Variants in GALNT9 observed in about 807,000 individuals in gnomAD.
GALNT9 encodes polypeptide N-acetylgalactosaminyltransferase 9, also known as GalNAc transferase 9.
A neutral mutation model predicts 63.1 loss-of-function variants in GALNT9; 47 were observed. The observed-to-expected ratio is 0.75, with a 90% CI of 0.59 to 0.95. GALNT9 has a LOEUF of 0.95. Ranked by LOEUF, GALNT9 falls within the 40% of genes least tolerant of loss-of-function variation. The pLI, the probability that GALNT9 is intolerant of heterozygous loss-of-function variation, is 0.00. For synonymous variants in GALNT9, 396 were observed against 365.7 expected (o/e 1.08, Z -0.94); for missense variants, 829 against 874.8 (o/e 0.95, Z 0.66).
chr12:132,210,756 G>A (rs960983677), intron 6 of GALNT9, among the ~76,000 whole-genome samples: 1 of 152,072 alleles, frequency 6.6e-6, no homozygotes, highest in African/African-American at 2.4e-5. Context: ...AGCCAAACTT[G>A]CACCAAAAAA....
In GALNT9 at chr12:132,203,567, C is replaced by T. The variant is rs200475101; in HGVS notation, c.1201G>A (p.Ala401Thr). Residue 401 changes from alanine (A) to threonine (T), a missense_variant, in exon 7 of 11, where the codon GCC (alanine) becomes ACC (threonine). Physicochemically the swap from Ala to Thr is moderately conservative, Grantham distance 58 (BLOSUM62 0). Coordinates refer to ENST00000328957, the MANE Select transcript of GALNT9 (RefSeq NM_001122636.2). ...YYAKRNALRA[A>T]EVWMDDFKSH... ...TTGAAGTCATCCATCCACACCTCGG[C>T]GGCGCGCAGGGCGTTGCGCTTGGCA... The T allele has an allele frequency of 1.4e-5, 23 of 1,613,984 alleles. No homozygotes were observed. Among genetic ancestry groups the T allele is most frequent in the East Asian group, 4.5e-5 (2 of 44,868 alleles).
intron 5 of GALNT9, among the ~76,000 whole-genome samples, chr12:132,254,979 T>C (rs578114544): frequency 2.0e-5 from 3 of 152,310 alleles, no homozygotes; most frequent in Admixed American, 2.0e-4. Flanking sequence ...CCTAGAATCT[T>C]CCAATTTTCA....
chr12:132,214,782 G>T (rs922803765), intron 6 of GALNT9, among the ~76,000 whole-genome samples: 1 of 152,188 alleles, frequency 6.6e-6, no homozygotes, highest in African/African-American at 2.4e-5. Context: ...TGGCCTGCTG[G>T]CTGCGCTGTC....
intron 1 of GALNT9, among the ~76,000 whole-genome samples, chr12:132,313,309 T>TCACACACCAATCCATCCACCCATC (rs1881883753): frequency 1.0e-5 from 1 of 99,696 alleles, no homozygotes; most frequent in South Asian, 3.9e-4. Flanking sequence ...ACCCATCCAT[T>TCACACACCAATCCATCCACCCATC]CACACACCAA....
At chr12:132,222,946 ACACAACT>A (rs1877519611) in intron 6 of GALNT9, among the ~76,000 whole-genome samples, 1 of 81,832 alleles carries the variant, frequency 1.2e-5, no homozygotes, top group Non-Finnish European at 2.5e-5. Context: ...CACACACACC[ACACAACT>A]CACACCCCAC....
At position 132,201,134 on chromosome 12, in the gene GALNT9, G is replaced by A. The variant is rs751543910; in HGVS notation, c.1391C>T (p.Thr464Met). ...PEMRVYNNTL[T>M]YGEVRNSKAS... The stretch of plus-strand genomic sequence containing the variant: ...CGGGGGAGGTGCTACCTCTCCGTAC[G>A]TGAGGGTGTTGTTGTAGACCCTCAT... The change falls in exon 8 of 11, where the codon ACG becomes ATG. Residue 464 changes from threonine (T) to methionine (M), a missense_variant. Thr to Met is a moderately conservative substitution (Grantham distance 81). Coordinates refer to ENST00000328957, the MANE Select transcript of GALNT9 (RefSeq NM_001122636.2). 62 of 1,613,116 alleles carry A rather than the reference G, an allele frequency of 3.8e-5. No individual in the cohort carries two copies. Among genetic ancestry groups the A allele is most frequent in the Admixed American group, 5.0e-5 (3 of 59,902 alleles).
chr12:132,306,286 C>T (rs1180193176), intron 1 of GALNT9, among the ~76,000 whole-genome samples: 2 of 152,216 alleles, frequency 1.3e-5, no homozygotes, highest in South Asian at 2.1e-4. Context: ...GCCTGGACGC[C>T]GGACGGTCTA....
chr12:132,323,934 C>T (rs1868917103), intron 1 of GALNT9, among the ~76,000 whole-genome samples: 2 of 152,148 alleles, frequency 1.3e-5, no homozygotes, highest in South Asian at 4.2e-4. Flanking sequence ...GTCTTCCCGG[C>T]CACGGCCACT....
intron 6 of GALNT9, among the ~76,000 whole-genome samples, chr12:132,207,462 C>A (rs762021794): frequency 6.6e-6 from 1 of 152,234 alleles, no homozygotes; most frequent in African/African-American, 2.4e-5. Context: ...GACTGCTGGG[C>A]GGTCTGCGAG....
At chr12:132,225,979 A>G (rs1214580666) in intron 6 of GALNT9, among the ~76,000 whole-genome samples, 1 of 137,262 alleles carries the variant, frequency 7.3e-6, no homozygotes, top group Non-Finnish European at 1.5e-5. Context: ...CACTGTACAC[A>G]CCCCACACAC....
Position 132,328,949 on chromosome 12 carries a change from C to G in GALNT9, c.238+17G>C. The G allele has an allele frequency of 2.7e-6, 4 of 1,506,438 alleles. No homozygotes were observed. Among genetic ancestry groups the G allele is most frequent in the Non-Finnish European group, 3.6e-6 (4 of 1,126,576 alleles). 93.3% of individuals were successfully genotyped at this position (1,506,438 alleles called of 1,614,324 possible). On this transcript the variant is annotated intron_variant, in intron 1 of 10. Coordinates refer to ENST00000328957, the MANE Select transcript of GALNT9 (RefSeq NM_001122636.2). Reference sequence around the variant, plus strand: ...CGGGCAGGGCTGCCCCCACTCCGCCCCGGCGCCCCCGCTCACCGTTGAGCT... The same window carrying G: ...CGGGCAGGGCTGCCCCCACTCCGCCGCGGCGCCCCCGCTCACCGTTGAGCT...
chr12:132,240,898 C>A (rs1294035598), intron 6 of GALNT9, among the ~76,000 whole-genome samples: 2 of 144,764 alleles, frequency 1.4e-5, no homozygotes, highest in Admixed American at 1.4e-4. Flanking sequence ...ACACACCACA[C>A]ACCCTTCCCG....
chr12:132,244,290 GGC>G (rs1878611404), intron 6 of GALNT9, among the ~76,000 whole-genome samples: 1 of 11,066 alleles, frequency 9.0e-5, no homozygotes, highest in South Asian at 2.0e-3. Flanking sequence ...TGGACGGGGG[GGC>G]GTGGTGATGG....
intron 6 of GALNT9, among the ~76,000 whole-genome samples, chr12:132,235,433 GGAGA>G (rs1877967900): frequency 6.6e-6 from 1 of 152,130 alleles, no homozygotes; most frequent in African/African-American, 2.4e-5. Flanking sequence ...GAGAGCAGAG[GGAGA>G]GAGTGTTGGG....
chr12:132,305,374 CCCTCACCCGGGCACAT>C (rs797032973), intron 1 of GALNT9, among the ~76,000 whole-genome samples: 13 of 33,162 alleles, frequency 3.9e-4, no homozygotes, highest in Admixed American at 6.7e-4. Context: ...CCCGGGCACA[CCCTCACCCGGGCACAT>C]CCTCACCGGG....
intron 6 of GALNT9, among the ~76,000 whole-genome samples, chr12:132,217,769 TCCATCCCTGCATCCACCCAG>T (rs989949987): frequency 2.1e-5 from 3 of 141,626 alleles, no homozygotes; most frequent in Non-Finnish European, 4.6e-5. Context: ...TATCCACCCA[TCCATCCCTGCATCCACCCAG>T]CCATCCATCC....
At chr12:132,204,995 C>T (rs1352366970) in intron 6 of GALNT9, among the ~76,000 whole-genome samples, 8 of 152,100 alleles carry the variant, frequency 5.3e-5, no homozygotes, top group South Asian at 2.1e-4. Context: ...GTTCCCTCCG[C>T]GGTGCTGAGA....
At chr12:132,305,033 A>G (rs369797556) in intron 1 of GALNT9, among the ~76,000 whole-genome samples, 1 of 38,124 alleles carries the variant, frequency 2.6e-5, no homozygotes, top group Non-Finnish European at 4.2e-5. Flanking sequence ...CCTCACCCAG[A>G]CACACCCTCA....
intron 8 of GALNT9, 105 bp from the exon 9 acceptor site, chr12:132,199,374 G>GGGA: frequency 1.3e-6 from 1 of 771,466 alleles, no homozygotes; most frequent in South Asian, 1.6e-5. Flanking sequence ...AGGTGCCCGC[G>GGGA]GGAGGAGGAG....
Sources: gnomAD v4.1 joint callset for allele counts (sites outside exome capture counted in the v4.1 genomes callset) on GRCh38, gnomAD v4.1.1 for gene constraint, MANE v1.5 for transcripts, NCBI Gene and HGNC (gene_info 2026-07-23, HGNC 2026-07-21) for gene names.